Variants in SORT1 observed in about 807,000 individuals in gnomAD.
The protein encoded by SORT1 is sortilin.
SORT1 carries 39 observed loss-of-function variants against 101.7 expected under a neutral mutation model. The ratio of observed to expected loss-of-function variants is 0.38; its 90% CI spans 0.30 to 0.50. The LOEUF is 0.50. Among genes scored for constraint, SORT1 ranks in the 20% least tolerant of loss-of-function variants. The pLI is 0.90. For synonymous variants in SORT1, 396 were observed against 393.7 expected (o/e 1.01, Z -0.07); for missense variants, 878 against 1,040.4 (o/e 0.84, Z 2.15).
At chr1:109,338,756 A>G (rs1054072344) in intron 10 of SORT1, among the ~76,000 whole-genome samples, 4 of 152,162 alleles carry the variant, frequency 2.6e-5, no homozygotes, top group Non-Finnish European at 4.4e-5. Context: ...CTTATTTAAA[A>G]TAGGGAGCCT....
intron 1 of SORT1, among the ~76,000 whole-genome samples, chr1:109,379,204 TG>T (rs1202787960): frequency 6.6e-6 from 1 of 151,994 alleles, no homozygotes; most frequent in Non-Finnish European, 1.5e-5. Flanking sequence ...GGCAGATTGT[TG>T]GGGTGTCCAA....
intron 6 of SORT1, 81 bp from the exon 7 acceptor site, chr1:109,347,613 G>C: frequency 2.0e-6 from 2 of 988,312 alleles, no homozygotes; most frequent in Non-Finnish European, 3.2e-6. Flanking sequence ...AAACTTCCTA[G>C]CAGGTCTAAC....
At chr1:109,327,816 T>A (rs1237456483) in intron 11 of SORT1, among the ~76,000 whole-genome samples, 3 of 152,218 alleles carry the variant, frequency 2.0e-5, no homozygotes, top group African/African-American at 7.2e-5. Flanking sequence ...TTTCATCTTA[T>A]AAAATACAAT....
At chr1:109,338,328 A>G (rs367652011) in intron 10 of SORT1, among the ~76,000 whole-genome samples, 5 of 152,196 alleles carry the variant, frequency 3.3e-5, no homozygotes, top group Middle Eastern at 3.2e-3. Flanking sequence ...TGGAAAGAGA[A>G]GCGCTGGAGG....
rs1658734192 is a variant in SORT1, at chr1:109,311,609, A to G, written c.*2434T>C. On this transcript the variant is annotated 3_prime_UTR_variant, in exon 20 of 20. Coordinates refer to ENST00000256637, the MANE Select transcript of SORT1 (RefSeq NM_002959.7). ...CCATCAGTGGAGAGTCCACTCCTGC[A>G]CTCTTGAGCAGTGACCCTCAATGAG... 6.6e-6 allele frequency: 1 copy of G among 152,150 alleles called. No individual in the cohort carries two copies. 9.4% of individuals were successfully genotyped at this position (152,150 alleles called of 1,614,324 possible).
chr1:109,380,773 T>TACAACAAACCA (rs1652171478), intron 1 of SORT1, among the ~76,000 whole-genome samples: 1 of 132,486 alleles, frequency 7.5e-6, no homozygotes, highest in African/African-American at 2.9e-5. Context: ...GCCTGGGAGT[T>TACAACAAACCA]TGAGACCAGC....
chr1:109,314,842 G>A, intron 17 of SORT1, 64 bp from the exon 18 acceptor site: 1 of 836,748 alleles, frequency 1.2e-6, no homozygotes, highest in South Asian at 1.4e-5. Flanking sequence ...TGAGGTCAAG[G>A]CAGCCACTCA....
chr1:109,323,167 C>G (rs1260414078), intron 14 of SORT1, 46 bp from the exon 15 acceptor site: 2 of 1,416,886 alleles, frequency 1.4e-6, no homozygotes, highest in African/African-American at 2.8e-5. Flanking sequence ...GCACAGAACC[C>G]ACCCACGGGA....
At chr1:109,340,907 TA>T in intron 9 of SORT1, 28 bp from the exon 10 acceptor site, 1 of 1,589,048 alleles carries the variant, frequency 6.3e-7, no homozygotes, top group Non-Finnish European at 8.6e-7. Context: ...ACAAAAATAC[TA>T]AGTCTTGGGT....
chr1:109,380,778 AC>A (rs1652172438), intron 1 of SORT1, among the ~76,000 whole-genome samples: 1 of 134,210 alleles, frequency 7.5e-6, no homozygotes, highest in Non-Finnish European at 1.5e-5. Flanking sequence ...GGAGTTTGAG[AC>A]CAGCCTGGGC....
At position 109,317,879 on chromosome 1, in the gene SORT1, T is replaced by C; in HGVS notation, c.2115A>G (p.Gly705=). The part of the protein sequence containing the change: ...KGHDLEFCLY[G]REEHLTTNGY... ...CATTTGTTGTTAGGTGTTCTTCTCT[T>C]CCGTACAGACAAAACTCCAGGTCGT... is the stretch of plus-strand genomic sequence containing the variant. Residue 705 remains glycine (G), a synonymous_variant, in exon 16 of 20, where the codon GGA becomes GGG. Coordinates refer to ENST00000256637, the MANE Select transcript of SORT1 (RefSeq NM_002959.7). The C allele has an allele frequency of 6.2e-7, 1 of 1,613,554 alleles. No homozygotes were observed. The highest frequency in any genetic ancestry group is 8.5e-7 in the Non-Finnish European group (1 of 1,179,466).
intron 3 of SORT1, 187 bp downstream of exon 3, chr1:109,367,221 C>G (rs181636918): frequency 2.0e-6 from 1 of 494,018 alleles, no homozygotes; most frequent in Non-Finnish European, 3.6e-6. Context: ...GAGTGAGACC[C>G]TGTCTCAAAA....
At chr1:109,325,772 C>T (rs1008001600) in intron 13 of SORT1, among the ~76,000 whole-genome samples, 4 of 151,728 alleles carry the variant, frequency 2.6e-5, no homozygotes, top group Non-Finnish European at 4.4e-5. Context: ...GTTAGGAGTT[C>T]GAGACCAGCC....
intron 1 of SORT1, among the ~76,000 whole-genome samples, chr1:109,380,353 AC>A (rs1405245887): frequency 3.9e-5 from 6 of 152,192 alleles, no homozygotes; most frequent in African/African-American, 1.4e-4. Flanking sequence ...GAAGACCTTT[AC>A]AAAAATGGTA....
intron 14 of SORT1, 105 bp downstream of exon 14, chr1:109,324,794 G>T: frequency 2.8e-6 from 2 of 717,838 alleles, no homozygotes; most frequent in Non-Finnish European, 4.7e-6. Flanking sequence ...TCTTTCATAT[G>T]CATATGCATC....
chr1:109,375,403 C>T (rs1195299158), intron 1 of SORT1, among the ~76,000 whole-genome samples: 2 of 151,796 alleles, frequency 1.3e-5, no homozygotes, highest in African/African-American at 4.8e-5. Context: ...ATTCGCCGGG[C>T]GAGGTGGCGG....
chr1:109,370,846 C>T (rs1195802491), intron 1 of SORT1, among the ~76,000 whole-genome samples: 1 of 152,172 alleles, frequency 6.6e-6, no homozygotes, highest in Non-Finnish European at 1.5e-5. Flanking sequence ...TACACATCCT[C>T]CCCAAACCAC....
intron 1 of SORT1, among the ~76,000 whole-genome samples, chr1:109,370,262 G>A (rs1651405136): frequency 6.6e-6 from 1 of 152,056 alleles, no homozygotes; most frequent in Non-Finnish European, 1.5e-5. Flanking sequence ...ATCATTGTAG[G>A]TGGTTTTGGG....
At position 109,350,987 on chromosome 1, in the gene SORT1, A is replaced by T. The variant is rs1649918214; in HGVS notation, c.724T>A (p.Ser242Thr). 3.1e-6 allele frequency: 5 copies of T among 1,610,968 alleles called. No homozygotes were observed. Among genetic ancestry groups the T allele is most frequent in the Non-Finnish European group, 2.5e-6 (3 of 1,177,026 alleles). ...TCCCATTTTCCCCCAAAATTCTTGG[A>T]CACCCACAGGCCATTCTGAAAGATT... is the stretch of plus-strand genomic sequence containing the variant. ...ALSTENGLWV[S>T]KNFGGKWEEI... Residue 242 changes from serine (S) to threonine (T), a missense_variant, in exon 6 of 20, where the codon TCC becomes ACC. Transcript: ENST00000256637.
Sources: allele counts gnomAD v4.1 joint callset (sites outside exome capture counted in the v4.1 genomes callset), GRCh38; gene constraint gnomAD v4.1.1; transcripts MANE v1.5; gene names NCBI Gene and HGNC (gene_info 2026-07-23, HGNC 2026-07-21).